Variants in FGD5 observed in about 807,000 individuals in gnomAD.
The protein encoded by FGD5 is FYVE, RhoGEF and PH domain containing 5, also known as FYVE, RhoGEF and PH domain-containing protein 5.
FGD5 carries 28 observed loss-of-function variants against 133.4 expected under a neutral mutation model. The observed-to-expected ratio is 0.21, with a 90% CI of 0.16 to 0.29. FGD5 has a LOEUF of 0.29. FGD5 is among the 10% of genes least tolerant of loss of function. The pLI is 1.00. For synonymous variants in FGD5, 810 were observed against 776.5 expected (o/e 1.04, Z -0.72); for missense variants, 1,858 against 1,895.2 (o/e 0.98, Z 0.36).
chr3:14,925,928 G>A (rs2038794467), intron 17 of FGD5, 142 bp from the exon 18 acceptor site: 1 of 1,122,734 alleles, frequency 8.9e-7, no homozygotes, highest in Non-Finnish European at 1.2e-6. Context: ...CTTTGGTACT[G>A]GATAGATCCT....
At chr3:14,878,924 G>C (rs900869369) in intron 2 of FGD5, among the ~76,000 whole-genome samples, 1 of 152,048 alleles carries the variant, frequency 6.6e-6, no homozygotes, top group African/African-American at 2.4e-5. Flanking sequence ...GGCCAGGCTG[G>C]TCTCGAACTC....
chr3:14,878,540 A>G lies in FGD5; in HGVS notation c.2659-2032A>G, dbSNP rs1224193022. Among the ~76,000 whole-genome samples the G allele has an allele frequency of 3.3e-5, 5 of 152,348 alleles. No individual in the cohort carries two copies. In the East Asian group the frequency reaches 9.6e-4, roughly 29 times the overall value. ...ATAGTGCTTGCTGTGTGCCAGGCAC[A>G]GTTCCAAGTGTGAGAGATTCTCTAT... On this transcript the variant is annotated intron_variant, in intron 2 of 19. Coordinates refer to ENST00000285046, the MANE Select transcript of FGD5 (RefSeq NM_152536.4).
intron 2 of FGD5, among the ~76,000 whole-genome samples, chr3:14,865,834 C>G (rs897503649): frequency 4.6e-5 from 7 of 152,184 alleles, no homozygotes; most frequent in African/African-American, 1.7e-4. Context: ...TCTGACCTCT[C>G]CACTCCTCCT....
At chr3:14,851,376 G>A (rs779324321) in intron 1 of FGD5, among the ~76,000 whole-genome samples, 40 of 152,350 alleles carry the variant, frequency 2.6e-4, no homozygotes, top group Non-Finnish European at 5.1e-4. Flanking sequence ...GGGCTGATAA[G>A]TGGCAGAACT....
intron 4 of FGD5, among the ~76,000 whole-genome samples, chr3:14,886,062 G>A (rs2037919706): frequency 6.6e-6 from 1 of 152,188 alleles, no homozygotes; most frequent in Non-Finnish European, 1.5e-5. Flanking sequence ...AGAAGCAGGC[G>A]ATCCAGGTCA....
chr3:14,908,292 T>C (rs2038376943), intron 10 of FGD5, among the ~76,000 whole-genome samples: 1 of 152,208 alleles, frequency 6.6e-6, no homozygotes. Context: ...TTAGTGATCA[T>C]GAGTTTGGTA....
intron 18 of FGD5, chr3:14,931,234 G>C (rs1438191727): frequency 3.3e-5 from 5 of 152,108 alleles, no homozygotes; most frequent in Admixed American, 2.6e-4. Flanking sequence ...TTTGCTAAGA[G>C]GTTTGTTTTT....
intron 1 of FGD5, among the ~76,000 whole-genome samples, chr3:14,812,360 C>T (rs1234872074): frequency 2.0e-5 from 3 of 152,190 alleles, no homozygotes; most frequent in African/African-American, 7.2e-5. Flanking sequence ...GCCAGGCTAG[C>T]TTTTTCCTAC....
rs1403353113 is a variant in FGD5, at chr3:14,893,791, G to C, written c.2749-3718G>C. Among the ~76,000 whole-genome samples the C allele has an allele frequency of 5.9e-5, 6 of 101,788 alleles. No homozygotes were observed. In the East Asian group the frequency reaches 1.9e-3, roughly 32 times the overall value. The allele number at this position is 101,788 out of a possible 152,430, so 66.8% of individuals were successfully genotyped here. On this transcript the variant is annotated intron_variant, in intron 4 of 19. Coordinates refer to ENST00000285046, the MANE Select transcript of FGD5 (RefSeq NM_152536.4). ...TTTTTTTGAGACAGAGTCTCTCTCT[G>C]TTGCCCAAGCTGGAGTGCAGTGGCC...
At chr3:14,903,513 C>G (rs1004537117) in intron 9 of FGD5, among the ~76,000 whole-genome samples, 1 of 126,372 alleles carries the variant, frequency 7.9e-6, no homozygotes, top group African/African-American at 3.0e-5. Flanking sequence ...CTCCCCCCAC[C>G]CCACAACAGT....
At chr3:14,914,194 A>G (rs6442486) in intron 11 of FGD5, among the ~76,000 whole-genome samples, 113,023 of 152,162 alleles carry the variant, frequency 0.74, 42,144 homozygotes, top group African/African-American at 0.77. Context: ...AAACACACTT[A>G]GGAAGAATTT....
At chr3:14,810,798 G>A (rs1416634508), upstream of FGD5, 2 of 984,146 alleles carry the variant, frequency 2.0e-6, no homozygotes, top group Non-Finnish European at 2.4e-6. Flanking sequence ...GAGTCGCACT[G>A]GGACCCGCGG....
intron 7 of FGD5, 119 bp from the exon 8 acceptor site, chr3:14,900,284 G>T: frequency 1.0e-6 from 1 of 959,610 alleles, no homozygotes; most frequent in Non-Finnish European, 1.6e-6. Context: ...GGGCCAGCAG[G>T]GGAGAGAGGG....
In FGD5 at chr3:14,861,113, G is replaced by A. The variant is rs1411291738; in HGVS notation, c.2526-3015G>A. ...ATGAGTTAACTTAAAGAAAACATGAGGCAAATGATAGAACAGCTGGAGGCA... is the reference window on the plus strand; with the variant it reads ...ATGAGTTAACTTAAAGAAAACATGAAGCAAATGATAGAACAGCTGGAGGCA... On this transcript the variant is annotated intron_variant, in intron 1 of 19. Coordinates refer to ENST00000285046, the MANE Select transcript of FGD5 (RefSeq NM_152536.4). Among the ~76,000 whole-genome samples the A allele has an allele frequency of 6.6e-5, 10 of 152,330 alleles. No homozygotes were observed. In the East Asian group the frequency reaches 7.7e-4, roughly 12 times the overall value.
At chr3:14,932,380 G>A in intron 18 of FGD5, 197 bp from the exon 19 acceptor site, 1 of 575,762 alleles carries the variant, frequency 1.7e-6, no homozygotes, top group Non-Finnish European at 3.0e-6. Flanking sequence ...ACCACACCCA[G>A]CCAGTGTCGT....
At chr3:14,817,665 G>C (rs1388301100), upstream of FGD5, among the ~76,000 whole-genome samples, 1 of 152,208 alleles carries the variant, frequency 6.6e-6, no homozygotes, top group Non-Finnish European at 1.5e-5. Context: ...TGCTGGCAGA[G>C]ATCTCCCGGC....
At chr3:14,914,626 C>T (rs899704904) in intron 11 of FGD5, among the ~76,000 whole-genome samples, 4 of 152,090 alleles carry the variant, frequency 2.6e-5, no homozygotes, top group African/African-American at 9.7e-5. Context: ...GGTTCATGGG[C>T]AAGGTTCATG....
chr3:14,914,612 G>A lies in FGD5; in HGVS notation c.3406-2637G>A, dbSNP rs532860262. Reference sequence around the variant, plus strand: ...GACATAGGTCAGTTCCCTGGGTCTGGGAGGGTTCATGGGCAAGGTTCATGA... The same window carrying A: ...GACATAGGTCAGTTCCCTGGGTCTGAGAGGGTTCATGGGCAAGGTTCATGA... On this transcript the variant is annotated intron_variant, in intron 11 of 19. Transcript: ENST00000285046. Among the ~76,000 whole-genome samples the A allele has an allele frequency of 8.5e-5, 13 of 152,274 alleles. No homozygotes were observed. In the South Asian group the frequency reaches 2.7e-3, roughly 32 times the overall value.
At chr3:14,916,659 A>T (rs2038561204) in intron 11 of FGD5, among the ~76,000 whole-genome samples, 1 of 152,242 alleles carries the variant, frequency 6.6e-6, no homozygotes, top group Non-Finnish European at 1.5e-5. Context: ...GAGATGTGGA[A>T]CATTTCCAAC....
Sources: allele counts gnomAD v4.1 joint callset (sites outside exome capture counted in the v4.1 genomes callset), GRCh38; gene constraint gnomAD v4.1.1; transcripts MANE v1.5; gene names NCBI Gene and HGNC (gene_info 2026-07-23, HGNC 2026-07-21).